Variants in SPEG observed in about 807,000 individuals in gnomAD.
SPEG encodes the protein striated muscle enriched protein kinase, also known as striated muscle preferentially expressed protein kinase.
A neutral mutation model predicts 300.4 loss-of-function variants in SPEG; 114 were observed. That is an observed-to-expected ratio of 0.38 (90% CI 0.33 to 0.44). The LOEUF (loss-of-function observed/expected upper bound fraction) is 0.44. SPEG is among the 20% of genes least tolerant of loss of function. The probability of loss-of-function intolerance (pLI) is 1.00; values close to 1 mark genes in which losing one functional copy is unlikely to be tolerated. For missense variants in SPEG, 4,201 were observed against 4,586.2 expected (o/e 0.92, Z 2.43); for synonymous variants, 1,964 against 2,018.9 (o/e 0.97, Z 0.73).
At chr2:219,435,404 G>C in intron 1 of SPEG, 39 bp downstream of exon 1, 1 of 1,505,118 alleles carries the variant, frequency 6.6e-7, no homozygotes, top group South Asian at 1.2e-5. Context: ...CAGGGGCGGG[G>C]TGCTCAGAGG....
intron 4 of SPEG, 189 bp from the exon 5 acceptor site, chr2:219,450,947 C>G (rs1462520384): frequency 1.7e-6 from 1 of 579,842 alleles, no homozygotes; most frequent in Non-Finnish European, 3.0e-6. Flanking sequence ...TTCGAGAATG[C>G]TCCTTCTGAC....
rs1693797812 is a variant in SPEG at position 219,489,811 on chromosome 2, C to A, written c.8793C>A (p.Ser2931Arg). 6 of 1,613,462 alleles carry A rather than the reference C, an allele frequency of 3.7e-6. No individual in the cohort carries two copies. The South Asian group carries it at 6.6e-5, about 18-fold the overall frequency. Residue 2931 changes from serine (S) to arginine (R), a missense_variant, in exon 36 of 41, where the codon AGC (serine) becomes AGA (arginine). By Grantham distance (110) the Ser-to-Arg change is moderately radical. Around this residue, in one of 4 missense-constraint regions of SPEG, gnomAD observed 1,578 missense variants for 1,506.0 expected, o/e 1.05. Transcript: ENST00000312358. ...AGCCTACCAAGGTGACTGTGCAGAG[C>A]CTCAGCCCGGCCAAGGAGGTGGTCA... ...PPEPTKVTVQSLSPAKEVVSS... is the reference protein window; with the variant it reads ...PPEPTKVTVQRLSPAKEVVSS...
At chr2:219,456,180 C>G (rs529425794) in intron 6 of SPEG, among the ~76,000 whole-genome samples, 1 of 152,234 alleles carries the variant, frequency 6.6e-6, no homozygotes, top group Non-Finnish European at 1.5e-5. Flanking sequence ...ATAGAATCAA[C>G]ATGACCACAG....
Position 219,483,744 on chromosome 2 carries a change from G to A in SPEG, c.6281G>A (p.Ser2094Asn). The change falls in exon 30 of 41, where the codon AGC (serine) becomes AAC (asparagine). Residue 2094 changes from serine to asparagine, a missense_variant. This residue lies in a region of SPEG where 1,578 missense variants were observed against 1,506.0 expected (regional missense o/e 1.05). Transcript: ENST00000312358. ...GGCCTCAGGGGTCCCCTGCTGGAGA[G>A]CCTGGGGGGCCGTGCTCGGGACCCC... ...VSGLRGPLLESLGGRARDPRM... is the reference protein window; with the variant it reads ...VSGLRGPLLENLGGRARDPRM... 1 of 1,539,374 alleles carries A rather than the reference G, an allele frequency of 6.5e-7. No individual in the cohort carries two copies. The highest frequency in any genetic ancestry group is 1.4e-5 in the African/African-American group (1 of 73,352).
At chr2:219,482,605 T>G (rs1692954423) in intron 28 of SPEG, among the ~76,000 whole-genome samples, 179 bp from the exon 29 acceptor site, 1 of 152,092 alleles carries the variant, frequency 6.6e-6, no homozygotes, top group Non-Finnish European at 1.5e-5. Flanking sequence ...GTGTGCATCT[T>G]GGCTGTAGGC....
chr2:219,454,759 G>A (rs17574571), intron 6 of SPEG, among the ~76,000 whole-genome samples: 3,880 of 152,306 alleles, frequency 0.025, 61 homozygotes, highest in South Asian at 0.041. Flanking sequence ...GGAAATAACT[G>A]CCCATGAAGC....
At position 219,469,364 on chromosome 2, in the gene SPEG, C is replaced by T. The variant is rs55916864; in HGVS notation, c.3700C>T (p.Arg1234Trp). The change falls in exon 13 of 41, where the codon CGG (arginine) becomes TGG (tryptophan). Residue 1234 changes from arginine (R) to tryptophan (W), a missense_variant. By Grantham distance (101) the Arg-to-Trp change is moderately radical (BLOSUM62 -3). Coordinates refer to ENST00000312358, the MANE Select transcript of SPEG (RefSeq NM_005876.5). ...NGHRIQSSDD[R>W]RMTQYRDVHR... The stretch of plus-strand genomic sequence containing the variant: ...CCACCGCATCCAGAGCAGCGACGAC[C>T]GGCGCATGACACAGTGTACGTGTCT... 6.1e-4 allele frequency: 988 copies of T among 1,613,488 alleles called. 1 individual carries two copies. The highest frequency in any genetic ancestry group is 8.3e-4 in the South Asian group (76 of 91,042).
Position 219,472,350 on chromosome 2 carries a change from G to A in SPEG, c.3940+19G>A. On this transcript the variant is annotated intron_variant, in intron 15 of 40. Coordinates refer to ENST00000312358, the MANE Select transcript of SPEG (RefSeq NM_005876.5). Reference sequence around the variant, plus strand: ...GCCATCGGTGGGTCAGGGCTGCACAGGGCCATGGGTGGGGAAGGGGTGTGG... The same window carrying A: ...GCCATCGGTGGGTCAGGGCTGCACAAGGCCATGGGTGGGGAAGGGGTGTGG... 3 of 1,601,388 alleles carry A rather than the reference G, an allele frequency of 1.9e-6. No individual in the cohort carries two copies. The highest frequency in any genetic ancestry group is 2.2e-5 in the South Asian group (2 of 90,824).
At position 219,468,758 on chromosome 2, in the gene SPEG, T is replaced by C. The variant is rs1350229359; in HGVS notation, c.3301+22T>C. 4 of 1,612,654 alleles carry C rather than the reference T, an allele frequency of 2.5e-6. No individual in the cohort carries two copies. The East Asian group carries it at 6.7e-5, about 27-fold the overall frequency. ...TTTGGTACGGCCCCTGTGCTGCAGGTGTTGAGGGCCCCCCCAAGGGCCCAG... is the reference window on the plus strand; with the variant it reads ...TTTGGTACGGCCCCTGTGCTGCAGGCGTTGAGGGCCCCCCCAAGGGCCCAG... On this transcript the variant is annotated intron_variant, in intron 11 of 40. Transcript: ENST00000312358.
In SPEG at chr2:219,469,316, A is replaced by T. The variant is rs541823263; in HGVS notation, c.3652A>T (p.Thr1218Ser). Reference sequence around the variant, plus strand: ...CCAGGTGACCGGCCTGCCCTACCCCACCATCAGCTGGTTCCACAATGGCCA... The same window carrying T: ...CCAGGTGACCGGCCTGCCCTACCCCTCCATCAGCTGGTTCCACAATGGCCA... ...ECQVTGLPYP[T>S]ISWFHNGHRI... The change falls in exon 13 of 41, where the codon ACC (threonine) becomes TCC (serine). Residue 1218 changes from threonine (T) to serine (S), a missense_variant. Thr to Ser is a moderately conservative substitution (Grantham distance 58, BLOSUM62 1). This residue lies in a region of SPEG where 1,047 missense variants were observed against 1,356.8 expected (regional missense o/e 0.77). Coordinates refer to ENST00000312358, the MANE Select transcript of SPEG (RefSeq NM_005876.5). The T allele has an allele frequency of 1.2e-6, 2 of 1,613,788 alleles. No individual in the cohort carries two copies. The highest frequency in any genetic ancestry group is 2.2e-5 in the East Asian group (1 of 44,880).
chr2:219,436,634 G>T (rs1483142165), intron 1 of SPEG, among the ~76,000 whole-genome samples: 1 of 152,136 alleles, frequency 6.6e-6, no homozygotes, highest in Admixed American at 6.5e-5. Context: ...AGCCGGGCTG[G>T]CCTCCCTCCA....
intron 6 of SPEG, among the ~76,000 whole-genome samples, chr2:219,453,689 C>G (rs1249344775): frequency 6.6e-6 from 1 of 152,252 alleles, no homozygotes; most frequent in Non-Finnish European, 1.5e-5. Flanking sequence ...TACAGCAAGA[C>G]AGCCACCTCC....
intron 6 of SPEG, chr2:219,460,458 G>A (rs140907158): frequency 0.036 from 35,539 of 985,456 alleles, 773 homozygotes; most frequent in Non-Finnish European, 0.04. Context: ...CAGAACAAAT[G>A]GGTCAGGGCA....
At position 219,464,458 on chromosome 2, in the gene SPEG, C is replaced by T. The variant is rs1300406119; in HGVS notation, c.2731C>T (p.Pro911Ser). ...GCTGAGAAACCGCCAGCCCGTGCGCCCAGACCAGCGGCGCTTTGCGGAGGA... is the reference window on the plus strand; with the variant it reads ...GCTGAGAAACCGCCAGCCCGTGCGCTCAGACCAGCGGCGCTTTGCGGAGGA... ...SWLRNRQPVR[P>S]DQRRFAEEAE... is the part of the protein sequence containing the mutation. Residue 911 changes from proline (P) to serine (S), a missense_variant, in exon 9 of 41, where the codon CCA becomes TCA. Transcript: ENST00000312358. This position sits in a 1 kb window ranked among gnomAD's most constrained non-coding sequence, Gnocchi z 4.5. 3 of 1,612,540 alleles carry T rather than the reference C, an allele frequency of 1.9e-6. No homozygotes were observed. The highest frequency in any genetic ancestry group is 2.7e-5 in the African/African-American group (2 of 74,952).
Position 219,445,254 on chromosome 2 carries a change from C to A in SPEG, c.815+93C>A. The A allele has an allele frequency of 1.7e-6, 2 of 1,170,806 alleles. No individual in the cohort carries two copies. The highest frequency in any genetic ancestry group is 2.5e-6 in the Non-Finnish European group (2 of 806,632). 72.5% of individuals were successfully genotyped at this position (1,170,806 alleles called of 1,614,324 possible). ...GCTCAGTCAGCCTCCACCCATCACC[C>A]TGCCCCATCCATCTCTCTGTGCATT... On this transcript the variant is annotated intron_variant, in intron 3 of 40. Transcript: ENST00000312358. This position sits in a 1 kb window ranked among gnomAD's most constrained non-coding sequence, Gnocchi z 6.1.
rs1376819630 is a variant in SPEG, at chr2:219,484,732, G to T, written c.7269G>T (p.Ala2423=). ...LSQRLRRTPP[A]QRHPAWEARG... is the part of the protein sequence containing the mutation. ...AGCGGCTGCGGCGGACCCCTCCCGC[G>T]CAGCGCCACCCGGCCTGGGAGGCCC... is the stretch of plus-strand genomic sequence containing the variant. The change falls in exon 30 of 41, where the codon GCG becomes GCT. Residue 2423 remains alanine (A), a synonymous_variant. Transcript: ENST00000312358. 6.7e-7 allele frequency: 1 copy of T among 1,489,824 alleles called. No homozygotes were observed. Among genetic ancestry groups the T allele is most frequent in the East Asian group, 2.7e-5 (1 of 36,768 alleles). The allele number at this position is 1,489,824 out of a possible 1,614,324, so 92.3% of individuals were successfully genotyped here.
chr2:219,452,736 G>C (rs182090061), intron 6 of SPEG, among the ~76,000 whole-genome samples: 1 of 152,136 alleles, frequency 6.6e-6, no homozygotes, highest in East Asian at 1.9e-4. Context: ...ATTTTAGACC[G>C]GCACGGGGAA....
chr2:219,443,984 A>G lies in SPEG; in HGVS notation c.389-669A>G, dbSNP rs1575041164. 3 of 1,357,754 alleles carry G rather than the reference A, an allele frequency of 2.2e-6. No individual in the cohort carries two copies. The highest frequency in any genetic ancestry group is 2.1e-4 in the Middle Eastern group (1 of 4,750). The allele number at this position is 1,357,754 out of a possible 1,614,324, so 84.1% of individuals were successfully genotyped here. On this transcript the variant is annotated intron_variant, in intron 1 of 40. Coordinates refer to ENST00000312358, the MANE Select transcript of SPEG (RefSeq NM_005876.5). This position sits in a 1 kb window ranked among gnomAD's most constrained non-coding sequence, Gnocchi z 4.6. ...TGCCCTGCCCCACAAACGCTCTGATAACAGTCTGTCCCTGTCTCTCTCCTG... is the reference window on the plus strand; with the variant it reads ...TGCCCTGCCCCACAAACGCTCTGATGACAGTCTGTCCCTGTCTCTCTCCTG...
In SPEG at chr2:219,464,872, G is replaced by A. The variant is rs1000643370; in HGVS notation, c.2881+264G>A. ...TGTTGCTCCATCACGGAGCCCTGGC[G>A]GCAGCCAGAGACCCTGCACCTGCCA... On this transcript the variant is annotated intron_variant, in intron 9 of 40. Transcript: ENST00000312358. The surrounding 1 kb of genome is among the most constrained non-coding windows in gnomAD (Gnocchi z 4.5). 23 of 459,040 alleles carry A rather than the reference G, an allele frequency of 5.0e-5. No individual in the cohort carries two copies. The highest frequency in any genetic ancestry group is 8.2e-5 in the Non-Finnish European group (21 of 255,222). The allele number at this position is 459,040 out of a possible 1,614,324, so 28.4% of individuals were successfully genotyped here.
Sources: gnomAD v4.1 joint callset for allele counts (sites outside exome capture counted in the v4.1 genomes callset) on GRCh38, gnomAD v4.1.1 for gene constraint, gnomAD v4.1.1 regional missense constraint, Gnocchi (gnomAD v3.1) non-coding constraint, MANE v1.5 for transcripts, NCBI Gene and HGNC (gene_info 2026-07-23, HGNC 2026-07-21) for gene names.